TMEM19: variants seen among roughly 807,000 people sequenced by gnomAD.
The protein encoded by TMEM19 is transmembrane protein 19.
In TMEM19, 21 loss-of-function variants were observed where a neutral mutation model predicts 33.6. The ratio of observed to expected loss-of-function variants is 0.62; its 90% confidence interval spans 0.44 to 0.90. The LOEUF (loss-of-function observed/expected upper bound fraction) is 0.90. TMEM19 is among the 40% of genes least tolerant of loss of function. The probability of loss-of-function intolerance (pLI) is 0.00; values close to 1 mark genes in which losing one functional copy is unlikely to be tolerated. For synonymous variants in TMEM19, 149 were observed against 147.5 expected (o/e 1.01, Z -0.07); for missense variants, 402 against 401.8 (o/e 1.00, Z 0.00).
intron 1 of TMEM19, 58 bp from the exon 2 acceptor site, chr12:71,689,533 C>A: frequency 1.5e-6 from 2 of 1,378,888 alleles, no homozygotes; most frequent in Non-Finnish European, 2.1e-6. Context: ...AAGTTTACTG[C>A]CAAAACTAAC....
chr12:71,689,765 T>C (rs559042928), intron 2 of TMEM19, 61 bp downstream of exon 2: 5 of 1,169,980 alleles, frequency 4.3e-6, no homozygotes, highest in Non-Finnish European at 4.9e-6. Context: ...TAATTTAAAT[T>C]TATGTTTTCT....
intron 4 of TMEM19, among the ~76,000 whole-genome samples, chr12:71,697,851 A>G (rs1399842703): frequency 2.0e-5 from 3 of 152,226 alleles, no homozygotes; most frequent in East Asian, 3.9e-4. Flanking sequence ...TTAGGATATC[A>G]GTGCTTTAAG....
At chr12:71,694,907 T>C (rs929902977) in intron 2 of TMEM19, among the ~76,000 whole-genome samples, 13 of 152,214 alleles carry the variant, frequency 8.5e-5, no homozygotes, top group African/African-American at 3.1e-4. Flanking sequence ...ATTTGGGGTA[T>C]AACTCTACTC....
intron 2 of TMEM19, 105 bp downstream of exon 2, chr12:71,689,809 C>T: frequency 1.3e-6 from 1 of 769,666 alleles, no homozygotes; most frequent in East Asian, 2.7e-5. Context: ...CTACAAATCA[C>T]AGTTATATAT....
In TMEM19 at chr12:71,704,143, C is replaced by A; in HGVS notation, c.*3148C>A. The A allele has an allele frequency of 3.9e-6, 1 of 253,320 alleles. No individual in the cohort carries two copies. The highest frequency in any genetic ancestry group is 8.5e-6 in the Non-Finnish European group (1 of 117,482). 15.7% of individuals were successfully genotyped at this position (253,320 alleles called of 1,614,324 possible). On this transcript the variant is annotated 3_prime_UTR_variant, in exon 6 of 6. Coordinates refer to ENST00000266673, the MANE Select transcript of TMEM19 (RefSeq NM_018279.4). ...TGGGGCAGCTCCTGAAGAAGACTTG[C>A]AGGAGTAGCATGTTGAAAACTCATT...
In TMEM19 at chr12:71,696,532, A is replaced by C. The variant is rs773573209; in HGVS notation, c.341A>C (p.Lys114Thr). The change falls in exon 3 of 6, where the codon AAG becomes ACG. Residue 114 changes from lysine to threonine, a missense_variant. Coordinates refer to ENST00000266673, the MANE Select transcript of TMEM19 (RefSeq NM_018279.4). ...FLSSSKLTKW[K>T]GEVKKRLDSE... ...TCTTCTTCGAAACTCACTAAATGGAAGGGAGAAGTGAAGAAGCGTCTAGAT... is the reference window on the plus strand; with the variant it reads ...TCTTCTTCGAAACTCACTAAATGGACGGGAGAAGTGAAGAAGCGTCTAGAT... The C allele has an allele frequency of 1.7e-5, 27 of 1,611,880 alleles. No individual in the cohort carries two copies. In the South Asian group the frequency reaches 2.8e-4, roughly 16 times the overall value.
chr12:71,699,173 A>G, intron 5 of TMEM19, 64 bp downstream of exon 5: 1 of 1,563,374 alleles, frequency 6.4e-7, no homozygotes, highest in Non-Finnish European at 8.8e-7. Context: ...AAAGAAAGAA[A>G]AAAATGTTAA....
Position 71,686,610 on chromosome 12 carries a change from C to A in TMEM19, c.-71C>A. The A allele has an allele frequency of 6.5e-7, 1 of 1,546,156 alleles. No individual in the cohort carries two copies. Among genetic ancestry groups the A allele is most frequent in the Non-Finnish European group, 8.8e-7 (1 of 1,130,448 alleles). ...TTTGCCTCTGAACAAGTGTCTTGCT[C>A]ACATCGTAAATGACTTTCTCTCCGA... is the stretch of plus-strand genomic sequence containing the variant. On this transcript the variant is annotated 5_prime_UTR_variant, in exon 1 of 6. The change creates a premature stop within an existing upstream ORF in the 5' untranslated region. Transcript: ENST00000266673.
chr12:71,689,407 A>G (rs889162101), intron 1 of TMEM19, among the ~76,000 whole-genome samples, 184 bp from the exon 2 acceptor site: 10 of 152,158 alleles, frequency 6.6e-5, no homozygotes, highest in African/African-American at 2.2e-4. Flanking sequence ...TCACCTAAGG[A>G]TGCATTTCTC....
rs964987947 is a variant in TMEM19 at position 71,703,112 on chromosome 12, G to C, written c.*2117G>C. ...GAATCGCTGGAACCTGGGATGTGGA[G>C]GTTGCAGTGAGCCAAGATTGCACCA... On this transcript the variant is annotated 3_prime_UTR_variant, in exon 6 of 6. Transcript: ENST00000266673. 2 of 144,012 alleles carry C rather than the reference G, an allele frequency of 1.4e-5. No individual in the cohort carries two copies. The highest frequency in any genetic ancestry group is 3.0e-5 in the Non-Finnish European group (2 of 66,630). The allele number at this position is 144,012 out of a possible 1,614,324, so 8.9% of individuals were successfully genotyped here.
chr12:71,690,747 C>A (rs551791863), intron 2 of TMEM19, among the ~76,000 whole-genome samples: 1 of 152,242 alleles, frequency 6.6e-6, no homozygotes, highest in South Asian at 2.1e-4. Flanking sequence ...TCTGAAGAAG[C>A]TAGCAATGAG....
chr12:71,699,451 T>A (rs1364365194), intron 5 of TMEM19: 1 of 426,826 alleles, frequency 2.3e-6, no homozygotes, highest in East Asian at 4.1e-5. Context: ...ATTTTCCTAT[T>A]CCATTTGAGG....
rs1302181434 is a variant in TMEM19, at chr12:71,704,975, G to A, written c.*3980G>A. The A allele has an allele frequency of 6.6e-6, 1 of 152,112 alleles. No homozygotes were observed. The highest frequency in any genetic ancestry group is 6.5e-5 in the Admixed American group (1 of 15,276). 9.4% of individuals were successfully genotyped at this position (152,112 alleles called of 1,614,324 possible). ...ATTAAGTTGTTTGACTCTAATCATTGTTTCTTTTAAGAATGACTGGAAGGT... is the reference window on the plus strand; with the variant it reads ...ATTAAGTTGTTTGACTCTAATCATTATTTCTTTTAAGAATGACTGGAAGGT... On this transcript the variant is annotated 3_prime_UTR_variant, in exon 6 of 6. Coordinates refer to ENST00000266673, the MANE Select transcript of TMEM19 (RefSeq NM_018279.4).
chr12:71,699,354 A>C (rs1565856666), intron 5 of TMEM19: 2 of 580,936 alleles, frequency 3.4e-6, no homozygotes, highest in South Asian at 4.5e-5. Context: ...TAGTGCAGAG[A>C]ACAGACGTTT....
intron 2 of TMEM19, among the ~76,000 whole-genome samples, chr12:71,696,075 A>C (rs1475488323): frequency 6.6e-6 from 1 of 152,142 alleles, no homozygotes; most frequent in Non-Finnish European, 1.5e-5. Flanking sequence ...CCAGCACTTT[A>C]GGAGGCCAAT....
At chr12:71,700,021 A>C (rs1323971000) in intron 5 of TMEM19, among the ~76,000 whole-genome samples, 1 of 152,172 alleles carries the variant, frequency 6.6e-6, no homozygotes, top group African/African-American at 2.4e-5. Context: ...CATCAGGAAG[A>C]GGTTGGAAGG....
intron 2 of TMEM19, among the ~76,000 whole-genome samples, chr12:71,695,111 A>G (rs985220007): frequency 6.6e-6 from 1 of 152,210 alleles, no homozygotes; most frequent in African/African-American, 2.4e-5. Flanking sequence ...AGAGGTAGAA[A>G]AGGTATGAAC....
Position 71,700,831 on chromosome 12 carries a change from G to A in TMEM19, c.848-1G>A. 6.3e-7 allele frequency: 1 copy of A among 1,581,366 alleles called. No homozygotes were observed. Among genetic ancestry groups the A allele is most frequent in the Non-Finnish European group, 8.6e-7 (1 of 1,164,744 alleles). Reference sequence around the variant, plus strand: ...CTCACTTGCTTCTTTTTCCATTCCAGGGTTGGATGAAAGCACTGGCATGGT... The same window carrying A: ...CTCACTTGCTTCTTTTTCCATTCCAAGGTTGGATGAAAGCACTGGCATGGT... On this transcript the variant is annotated splice_acceptor_variant, in intron 5 of 5. Coordinates refer to ENST00000266673, the MANE Select transcript of TMEM19 (RefSeq NM_018279.4). LOFTEE classifies it high-confidence loss of function.
intron 1 of TMEM19, among the ~76,000 whole-genome samples, chr12:71,687,911 G>A (rs1386880028): frequency 2.6e-5 from 4 of 152,148 alleles, no homozygotes; most frequent in Non-Finnish European, 5.9e-5. Context: ...TAGGCTTTTT[G>A]CAAAGAGACA....
Sources: gnomAD v4.1 joint callset for allele counts (sites outside exome capture counted in the v4.1 genomes callset) on GRCh38, gnomAD v4.1.1 for gene constraint, MANE v1.5 for transcripts, NCBI Gene and HGNC (gene_info 2026-07-23, HGNC 2026-07-21) for gene names.